The following NDRG1 variants were observed in gnomAD, a reference collection of about 807,000 sequenced individuals.
NDRG1 encodes N-myc downstream regulated 1, also known as protein NDRG1.
In NDRG1, 32 loss-of-function variants were observed where a neutral mutation model predicts 56.9. That is an observed-to-expected ratio of 0.56 (90% CI 0.42 to 0.76). The LOEUF (loss-of-function observed/expected upper bound fraction) is 0.76, where lower values mean the gene tolerates loss of function less well. NDRG1 is among the 30% of genes least tolerant of loss of function. The probability of loss-of-function intolerance (pLI) is 0.00; values close to 1 mark genes in which losing one functional copy is unlikely to be tolerated. For missense variants in NDRG1, 507 were observed against 545.7 expected (o/e 0.93, Z 0.71); for synonymous variants, 211 against 204.1 (o/e 1.03, Z -0.29).
chr8:133,241,933 G>T, intron 15 of NDRG1, 90 bp downstream of exon 15: 4 of 1,475,398 alleles, frequency 2.7e-6, no homozygotes, highest in South Asian at 2.3e-5. Context: ...GGGGGACACA[G>T]AATTGCTCAT....
intron 9 of NDRG1, among the ~76,000 whole-genome samples, chr8:133,253,881 C>T (rs774133491): frequency 1.3e-5 from 2 of 151,644 alleles, no homozygotes; most frequent in Non-Finnish European, 2.9e-5. Context: ...TTTAATTTTT[C>T]TGTAGAGACA....
At chr8:133,248,923 C>G in intron 10 of NDRG1, 152 bp from the exon 11 acceptor site, 1 of 772,874 alleles carries the variant, frequency 1.3e-6, no homozygotes, top group Admixed American at 2.0e-5. Flanking sequence ...GCTTTCAGGA[C>G]TCCACACCCT....
chr8:133,255,273 T>C (rs1216829816), intron 8 of NDRG1: 1 of 456,324 alleles, frequency 2.2e-6, no homozygotes, highest in East Asian at 6.9e-5. Flanking sequence ...TGCATACCTC[T>C]GGGTCTCAGA....
At chr8:133,252,417 C>G (rs370697780) in intron 9 of NDRG1, among the ~76,000 whole-genome samples, 17 of 152,288 alleles carry the variant, frequency 1.1e-4, no homozygotes, top group African/African-American at 4.1e-4. Context: ...TCTAAGCCAT[C>G]CTGTTTGTGG....
Position 133,256,998 on chromosome 8 carries a change from G to A in NDRG1, c.451-135C>T, listed in dbSNP as rs561759141. On this transcript the variant is annotated intron_variant, in intron 7 of 15. Transcript: ENST00000323851. Reference sequence around the variant, plus strand: ...GCAGCAGAGCAGGCTGCTGCTCCCCGGCCCCACCCCATGCAAAACTGAGGT... The same window carrying A: ...GCAGCAGAGCAGGCTGCTGCTCCCCAGCCCCACCCCATGCAAAACTGAGGT... The A allele has an allele frequency of 4.3e-5, 35 of 809,192 alleles. No individual in the cohort carries two copies. The East Asian group carries it at 8.2e-4, about 19-fold the overall frequency. The allele number at this position is 809,192 out of a possible 1,614,324, so 50.1% of individuals were successfully genotyped here.
At chr8:133,295,655 T>C (rs2130820797) in intron 1 of NDRG1, among the ~76,000 whole-genome samples, 1 of 152,348 alleles carries the variant, frequency 6.6e-6, no homozygotes, top group Admixed American at 6.5e-5. Flanking sequence ...AGGAAGAGTC[T>C]AGACTGAAAA....
At chr8:133,248,806 C>T (rs1306169914) in intron 10 of NDRG1, 35 bp from the exon 11 acceptor site, 2 of 1,613,234 alleles carry the variant, frequency 1.2e-6, no homozygotes, top group Non-Finnish European at 1.7e-6. Context: ...GCATGAGGAC[C>T]CCTCCCCTGG....
chr8:133,264,609 A>G lies in NDRG1; in HGVS notation c.143T>C (p.Leu48Pro). The G allele has an allele frequency of 6.2e-7, 1 of 1,614,182 alleles. No homozygotes were observed. Among genetic ancestry groups the G allele is most frequent in the Non-Finnish European group, 8.5e-7 (1 of 1,180,040 alleles). Residue 48 changes from leucine (L) to proline (P), a missense_variant, in exon 4 of 16, where the codon CTG (leucine) becomes CCG (proline). Coordinates refer to ENST00000323851, the MANE Select transcript of NDRG1 (RefSeq NM_006096.4). ...ETLHGSVHVT[L>P]CGTPKGNRPV... ...CCGGTTTCCCTTGGGAGTCCCACAC[A>G]GCGTGACGTGAACAGAGCCATGTAA...
chr8:133,294,554 C>T (rs759858478), intron 1 of NDRG1, among the ~76,000 whole-genome samples: 13 of 152,156 alleles, frequency 8.5e-5, no homozygotes, highest in Non-Finnish European at 1.8e-4. Context: ...AGCTTTGGGC[C>T]ACCCGAAAAA....
At chr8:133,295,182 C>G (rs1858676476) in intron 1 of NDRG1, among the ~76,000 whole-genome samples, 1 of 152,224 alleles carries the variant, frequency 6.6e-6, no homozygotes, top group African/African-American at 2.4e-5. Flanking sequence ...TATTACCTCG[C>G]CCGAAACTCA....
chr8:133,264,698 G>A, intron 3 of NDRG1, 46 bp from the exon 4 acceptor site: 2 of 1,517,544 alleles, frequency 1.3e-6, no homozygotes, highest in Non-Finnish European at 1.8e-6. Context: ...GGGGTTCATG[G>A]CATCCGCGTG....
At chr8:133,263,339 A>G (rs911714117) in intron 4 of NDRG1, among the ~76,000 whole-genome samples, 1 of 152,198 alleles carries the variant, frequency 6.6e-6, no homozygotes, top group Non-Finnish European at 1.5e-5. Context: ...AAACAAATGA[A>G]AATCAGGCAG....
intron 3 of NDRG1, among the ~76,000 whole-genome samples, chr8:133,270,448 A>G (rs1857133211): frequency 6.6e-6 from 1 of 152,040 alleles, no homozygotes; most frequent in Non-Finnish European, 1.5e-5. Context: ...CCCCTTCCTT[A>G]CTCACCTCCC....
intron 3 of NDRG1, among the ~76,000 whole-genome samples, chr8:133,277,635 A>C (rs1182775757): frequency 6.6e-6 from 1 of 152,222 alleles, no homozygotes; most frequent in Non-Finnish European, 1.5e-5. Context: ...AGGAATATGA[A>C]TGTACTTAAT....
At position 133,247,924 on chromosome 8, in the gene NDRG1, C is replaced by A; in HGVS notation, c.758G>T (p.Cys253Phe). 6.2e-7 allele frequency: 1 copy of A among 1,614,026 alleles called. No homozygotes were observed. The highest frequency in any genetic ancestry group is 8.5e-7 in the Non-Finnish European group (1 of 1,179,978). ...MPGTHTVTLQ[C>F]PALLVVGDSS... is the part of the protein sequence containing the mutation. Reference sequence around the variant, plus strand: ...GTCCCCAACCACCAACAGAGCAGGGCACCTGGGGTCAGGGATAGAGCAGAG... The same window carrying A: ...GTCCCCAACCACCAACAGAGCAGGGAACCTGGGGTCAGGGATAGAGCAGAG... The change falls in exon 12 of 16, where the codon TGC (cysteine) becomes TTC (phenylalanine). Residue 253 changes from cysteine (C) to phenylalanine (F), a missense_variant and splice_region_variant. By Grantham distance (205) the Cys-to-Phe change is radical. Transcript: ENST00000323851.
intron 4 of NDRG1, 48 bp downstream of exon 4, chr8:133,264,499 C>G (rs1380779947): frequency 4.4e-6 from 7 of 1,580,942 alleles, no homozygotes; most frequent in Non-Finnish European, 6.1e-6. Flanking sequence ...TTTTCCGCCA[C>G]TCTCTTGGGA....
At chr8:133,260,828 A>C (rs985580244) in intron 5 of NDRG1, among the ~76,000 whole-genome samples, 2 of 152,208 alleles carry the variant, frequency 1.3e-5, no homozygotes, top group Non-Finnish European at 2.9e-5. Context: ...CTTTAAGCCC[A>C]AGAACCTGCT....
intron 8 of NDRG1, chr8:133,255,083 C>G (rs1856295537): frequency 3.0e-6 from 1 of 337,658 alleles, no homozygotes; most frequent in Admixed American, 3.9e-5. Context: ...TCTTTTCCTA[C>G]CTCTCCCCAG....
chr8:133,239,240 C>G, intron 15 of NDRG1, 121 bp from the exon 16 acceptor site: 1 of 1,457,862 alleles, frequency 6.9e-7, no homozygotes, highest in Non-Finnish European at 9.3e-7. Flanking sequence ...TTGATCCCTG[C>G]AGCCATCCAG....
Sources: gnomAD v4.1 joint callset for allele counts (sites outside exome capture counted in the v4.1 genomes callset) on GRCh38, gnomAD v4.1.1 for gene constraint, MANE v1.5 for transcripts, NCBI Gene and HGNC (gene_info 2026-07-23, HGNC 2026-07-21) for gene names.